The following ROBO2 variants were observed in gnomAD, a reference collection of about 807,000 sequenced individuals.
ROBO2 encodes roundabout guidance receptor 2.
ROBO2 carries 53 observed loss-of-function variants against 160.8 expected under a neutral mutation model. The observed-to-expected ratio is 0.33, with a 90% CI of 0.26 to 0.41. The LOEUF is 0.41. Ranked by LOEUF, ROBO2 falls within the 10% of genes least tolerant of loss-of-function variation. The pLI is 1.00. For synonymous variants in ROBO2, 664 were observed against 611.7 expected, an observed-to-expected ratio of 1.09 and a Z score of -1.26; for missense variants, 1,577 against 1,722.4, an observed-to-expected ratio of 0.92 and a Z score of 1.49.
At position 76,697,515 on chromosome 3, in the gene ROBO2, C is replaced by T. The variant is rs1039449983; in HGVS notation, c.110-400499C>T. 4.6e-5 allele frequency among the ~76,000 whole-genome samples: 7 copies of T among 151,954 alleles called. No individual in the cohort carries two copies. In the South Asian group the frequency reaches 1.0e-3, roughly 23 times the overall value. ...ATAAAGAATTAGCCGGGCATGGTGCCGCATGCCTGTGGTCCCAGCTACTCA... is the reference window on the plus strand; with the variant it reads ...ATAAAGAATTAGCCGGGCATGGTGCTGCATGCCTGTGGTCCCAGCTACTCA... On this transcript the variant is annotated intron_variant, in intron 2 of 26. Coordinates refer to the ROBO2 transcript ENST00000487694.
chr3:77,003,232 C>G (rs376041889), intron 2 of ROBO2, among the ~76,000 whole-genome samples: 1 of 152,240 alleles, frequency 6.6e-6, no homozygotes, highest in East Asian at 1.9e-4. Context: ...TGAAAGCATA[C>G]TTGATAATTA....
intron 2 of ROBO2, among the ~76,000 whole-genome samples, chr3:75,948,256 A>C (rs1948394965): frequency 6.6e-6 from 1 of 151,982 alleles, no homozygotes; most frequent in South Asian, 2.1e-4. Context: ...TTTTTGTTTT[A>C]TTTTAATTGA....
chr3:76,056,884 T>C (rs1243615097), intron 2 of ROBO2, among the ~76,000 whole-genome samples: 1 of 152,128 alleles, frequency 6.6e-6, no homozygotes, highest in East Asian at 1.9e-4. Context: ...CATATGTTAA[T>C]AGTATGCAGT....
At position 76,595,907 on chromosome 3, in the gene ROBO2, G is replaced by A. The variant is rs536003684; in HGVS notation, c.110-502107G>A. 2.8e-3 allele frequency among the ~76,000 whole-genome samples: 427 copies of A among 152,120 alleles called. 4 individuals are homozygous for A. The highest frequency in any genetic ancestry group is 9.7e-3 in the African/African-American group (403 of 41,500). On this transcript the variant is annotated intron_variant, in intron 2 of 26. Transcript: ENST00000487694. Reference sequence around the variant, plus strand: ...ATGTCTTCAAACACCCGTGAGCCACGTAACTACTTATCTCTGAATATTTAA... The same window carrying A: ...ATGTCTTCAAACACCCGTGAGCCACATAACTACTTATCTCTGAATATTTAA...
At chr3:77,558,149 G>T in exon 9 of ROBO2, 1 of 1,611,294 alleles carries the variant, frequency 6.2e-7, no homozygotes, top group Non-Finnish European at 8.5e-7. Context: ...AGAATTTACG[G>T]GTAAGTAATA....
chr3:76,708,848 T>C (rs146730574), intron 2 of ROBO2, among the ~76,000 whole-genome samples: 91 of 152,064 alleles, frequency 6.0e-4, no homozygotes, highest in Admixed American at 2.4e-3. Flanking sequence ...ACAATAGTAG[T>C]GGGAATAGAG....
chr3:76,635,712 C>A (rs930614542), intron 2 of ROBO2, among the ~76,000 whole-genome samples: 1 of 152,280 alleles, frequency 6.6e-6, no homozygotes, highest in East Asian at 1.9e-4. Flanking sequence ...ACCTCCAATG[C>A]GAGTGCAGAC....
intron 2 of ROBO2, among the ~76,000 whole-genome samples, chr3:76,197,508 T>G (rs1417472301): frequency 6.6e-6 from 1 of 152,196 alleles, no homozygotes; most frequent in African/African-American, 2.4e-5. Flanking sequence ...ACCTTTCTCC[T>G]TTTGGGGAGT....
intron 2 of ROBO2, among the ~76,000 whole-genome samples, chr3:76,448,221 G>A (rs978388736): frequency 6.6e-6 from 1 of 152,052 alleles, no homozygotes; most frequent in Non-Finnish European, 1.5e-5. Context: ...GCATGAATAT[G>A]TAAGGTAGCA....
At chr3:76,753,071 C>T (rs1331077626) in intron 2 of ROBO2, among the ~76,000 whole-genome samples, 11 of 151,918 alleles carry the variant, frequency 7.2e-5, no homozygotes, top group Admixed American at 6.6e-4. Flanking sequence ...GCAAAACATA[C>T]GTACACACAA....
At chr3:76,686,623 G>C (rs534084111) in intron 2 of ROBO2, among the ~76,000 whole-genome samples, 1 of 152,100 alleles carries the variant, frequency 6.6e-6, no homozygotes, top group Non-Finnish European at 1.5e-5. Context: ...ATTAGTGTTT[G>C]AATACTAACT....
intron 2 of ROBO2, among the ~76,000 whole-genome samples, chr3:76,156,989 A>T (rs563504540): frequency 6.6e-6 from 1 of 152,294 alleles, no homozygotes; most frequent in African/African-American, 2.4e-5. Flanking sequence ...TAAAAATAAA[A>T]GTAAATAAAA....
intron 2 of ROBO2, among the ~76,000 whole-genome samples, chr3:76,777,995 G>A (rs2062387773): frequency 6.6e-6 from 1 of 151,086 alleles, no homozygotes; most frequent in Non-Finnish European, 1.5e-5. Context: ...TCTAGGATGT[G>A]TGCATGTATT....
chr3:76,783,527 T>C (rs1388736418), intron 2 of ROBO2, among the ~76,000 whole-genome samples: 1 of 150,016 alleles, frequency 6.7e-6, no homozygotes, highest in South Asian at 2.1e-4. Context: ...TTTTTTTTTT[T>C]TCCAGTGCTT....
At chr3:76,077,831 G>A (rs1033738561) in intron 2 of ROBO2, among the ~76,000 whole-genome samples, 1 of 152,132 alleles carries the variant, frequency 6.6e-6, no homozygotes, top group African/African-American at 2.4e-5. Context: ...AGCAAAGTGA[G>A]TTGGAAGATC....
At chr3:76,643,478 T>C (rs555400677) in intron 2 of ROBO2, among the ~76,000 whole-genome samples, 31 of 152,178 alleles carry the variant, frequency 2.0e-4, no homozygotes, top group Non-Finnish European at 3.2e-4. Flanking sequence ...TTAGAGAGCA[T>C]GTATTTAATA....
chr3:77,004,250 A>T (rs1431571354), intron 2 of ROBO2, among the ~76,000 whole-genome samples: 1 of 152,244 alleles, frequency 6.6e-6, no homozygotes, highest in Non-Finnish European at 1.5e-5. Context: ...AAATCTTCAT[A>T]GCTCTTTTGG....
At chr3:77,170,127 T>C (rs1305877314) in intron 2 of ROBO2, among the ~76,000 whole-genome samples, 1 of 152,172 alleles carries the variant, frequency 6.6e-6, no homozygotes, top group Non-Finnish European at 1.5e-5. Context: ...TCTCTGTCAC[T>C]GTAGCTGATT....
In ROBO2 at chr3:76,514,920, G is replaced by T. The variant is rs2081276488; in HGVS notation, c.109+577318G>T. On this transcript the variant is annotated intron_variant, in intron 2 of 26. Coordinates refer to the ROBO2 transcript ENST00000487694. ...CTGCTGACTAATGACACACACATTA[G>T]CCCTTGGTTTGAGACACACACAAGT... Among the ~76,000 whole-genome samples the T allele has an allele frequency of 2.0e-5, 3 of 152,228 alleles. No individual in the cohort carries two copies. The South Asian group carries it at 6.2e-4, about 32-fold the overall frequency.
Sources: gnomAD v4.1 joint callset for allele counts (sites outside exome capture counted in the v4.1 genomes callset) on GRCh38, gnomAD v4.1.1 for gene constraint, MANE v1.5 for transcripts, NCBI Gene and HGNC (gene_info 2026-07-23, HGNC 2026-07-21) for gene names.